PSME4: variants seen among roughly 807,000 people sequenced by gnomAD.
PSME4 encodes proteasome activator complex subunit 4.
A neutral mutation model predicts 253.9 loss-of-function variants in PSME4; 89 were observed. That is an observed-to-expected ratio of 0.35 (90% confidence interval 0.30 to 0.42). PSME4 has a LOEUF of 0.42. PSME4 is among the 10% of genes least tolerant of loss of function. The pLI is 1.00. For missense variants in PSME4, 2,014 were observed against 2,195.2 expected (o/e 0.92, Z 1.65); for synonymous variants, 851 against 759.2 (o/e 1.12, Z -1.99).
At chr2:53,908,865 T>C (rs1558672829) in intron 21 of PSME4, 25 bp from the exon 22 acceptor site, 9 of 1,536,826 alleles carry the variant, frequency 5.9e-6, no homozygotes, top group Non-Finnish European at 8.1e-6. Context: ...TAAAAGAAGG[T>C]ATTTTAGACA....
rs991328100 is a variant in PSME4 at position 53,908,201 on chromosome 2, T to G, written c.2784+119A>C. On this transcript the variant is annotated intron_variant, in intron 24 of 46. Coordinates refer to ENST00000404125, the MANE Select transcript of PSME4 (RefSeq NM_014614.3). ...GATGTTTTTAACTTTTACATACTTT[T>G]AAATCTACTATTTTTCCTTTTAGGA... 3 of 722,808 alleles carry G rather than the reference T, an allele frequency of 4.2e-6. No individual in the cohort carries two copies. In the East Asian group the frequency reaches 8.3e-5, roughly 20 times the overall value. The allele number at this position is 722,808 out of a possible 1,614,324, so 44.8% of individuals were successfully genotyped here. A position where few individuals can be genotyped will look rare whatever the true frequency, so the allele number is the denominator to read the frequency against.
chr2:53,878,146 C>T (rs932648439), intron 41 of PSME4, among the ~76,000 whole-genome samples: 6 of 152,178 alleles, frequency 3.9e-5, no homozygotes, highest in East Asian at 1.9e-4. Context: ...GGCAGAAGAA[C>T]ATAAATTGTG....
intron 43 of PSME4, chr2:53,870,582 T>G (rs1236858016): frequency 1.3e-5 from 2 of 152,054 alleles, no homozygotes; most frequent in Non-Finnish European, 2.9e-5. Flanking sequence ...TTCACCGTGT[T>G]AGCCAGGATG....
At position 53,876,716 on chromosome 2, in the gene PSME4, C is replaced by CTTTTTTTTTTTTTTTTTTTTTTTT. The variant is rs10599430; in HGVS notation, c.4816-962_4816-961insAAAAAAAAAAAAAAAAAAAAAAAA. ...TCTGATGGCTGTAGCCACTGTCATTCTTTTTTTTTTTTTTTTTTTTGAGAC... is the reference window on the plus strand; with the variant it reads ...TCTGATGGCTGTAGCCACTGTCATTCTTTTTTTTTTTTTTTTTTTTTTTTTTTTTTTTTTTTTTTTTTTTGAGAC... On this transcript the variant is annotated intron_variant, in intron 41 of 46. Transcript: ENST00000404125. Among the ~76,000 whole-genome samples the CTTTTTTTTTTTTTTTTTTTTTTTT allele has an allele frequency of 1.2e-3, 114 of 97,830 alleles. 9 individuals carry two copies. Among genetic ancestry groups the CTTTTTTTTTTTTTTTTTTTTTTTT allele is most frequent in the East Asian group, 2.1e-3 (5 of 2,392 alleles). 64.2% of individuals were successfully genotyped at this position (97,830 alleles called of 152,430 possible).
At chr2:53,941,574 T>C (rs1389318299) in intron 3 of PSME4, among the ~76,000 whole-genome samples, 2 of 152,046 alleles carry the variant, frequency 1.3e-5, no homozygotes, top group African/African-American at 4.8e-5. Context: ...TATCTGTCTA[T>C]TGATTTGTAA....
chr2:53,933,375 C>CAAAAAAAAAAAAAAAAAAAAAAAAA (rs571833072), intron 8 of PSME4, among the ~76,000 whole-genome samples: 1 of 60,616 alleles, frequency 1.6e-5, no homozygotes, highest in Non-Finnish European at 2.8e-5. Flanking sequence ...GAGACCATCT[C>CAAAAAAAAAAAAAAAAAAAAAAAAA]AAAAAAAAAA....
At chr2:53,936,372 A>G (rs1208857992) in intron 6 of PSME4, among the ~76,000 whole-genome samples, 3 of 152,184 alleles carry the variant, frequency 2.0e-5, no homozygotes, top group Admixed American at 1.3e-4. Context: ...TGCTTCTAAA[A>G]AGAAAAATGA....
At chr2:53,947,887 A>G (rs1669797874) in intron 3 of PSME4, among the ~76,000 whole-genome samples, 2 of 149,406 alleles carry the variant, frequency 1.3e-5, no homozygotes, top group South Asian at 2.1e-4. Flanking sequence ...ATGGTGGTGC[A>G]TGCCTGTAAT....
At chr2:53,965,288 G>A (rs1670665644) in intron 1 of PSME4, among the ~76,000 whole-genome samples, 2 of 147,546 alleles carry the variant, frequency 1.4e-5, no homozygotes, top group South Asian at 2.1e-4. Flanking sequence ...TCCCTCTGTC[G>A]CCTAGCCTGG....
intron 35 of PSME4, 125 bp downstream of exon 35, chr2:53,893,549 T>C: frequency 6.6e-7 from 1 of 1,524,764 alleles, no homozygotes; most frequent in East Asian, 2.4e-5. Context: ...ATGTTCAGTG[T>C]AAATTCCAGT....
intron 1 of PSME4, among the ~76,000 whole-genome samples, chr2:53,966,923 C>A (rs969522415): frequency 6.6e-6 from 1 of 152,104 alleles, no homozygotes; most frequent in Non-Finnish European, 1.5e-5. Context: ...TGGTCTCGAA[C>A]TCCTGACCTC....
intron 42 of PSME4, among the ~76,000 whole-genome samples, chr2:53,875,114 T>C (rs1043339874): frequency 6.6e-6 from 1 of 152,152 alleles, no homozygotes; most frequent in African/African-American, 2.4e-5. Flanking sequence ...TACAAAGAAA[T>C]ACAATTGTAG....
chr2:53,960,604 C>A (rs1670445641), intron 1 of PSME4, among the ~76,000 whole-genome samples: 1 of 152,202 alleles, frequency 6.6e-6, no homozygotes, highest in Admixed American at 6.5e-5. Flanking sequence ...CATGGTTCTA[C>A]AACTCTGTTA....
rs1182485680 is a variant in PSME4 at position 53,940,925 on chromosome 2, TATA to T, written c.501-928_501-926del. On this transcript the variant is annotated intron_variant, in intron 3 of 46. Coordinates refer to ENST00000404125, the MANE Select transcript of PSME4 (RefSeq NM_014614.3). ...TATATAATACATATTTAAATATATA[TATA>T]ATACATATATAAATATATATATACA... Among the ~76,000 whole-genome samples, 603 of 118,048 alleles carry T rather than the reference TATA, an allele frequency of 5.1e-3. 27 individuals carry two copies. Among genetic ancestry groups the T allele is most frequent in the Non-Finnish European group, 8.4e-3 (482 of 57,496 alleles). 77.4% of individuals were successfully genotyped at this position (118,048 alleles called of 152,430 possible).
At chr2:53,871,812 G>C (rs1158881716) in intron 43 of PSME4, among the ~76,000 whole-genome samples, 1 of 151,944 alleles carries the variant, frequency 6.6e-6, no homozygotes, top group Non-Finnish European at 1.5e-5. Flanking sequence ...TCAGGAGTTT[G>C]AGACCAGCCT....
At chr2:53,926,954 C>T (rs1668583003) in intron 12 of PSME4, among the ~76,000 whole-genome samples, 1 of 146,988 alleles carries the variant, frequency 6.8e-6, no homozygotes, top group Admixed American at 6.9e-5. Context: ...GCCTGGGTGA[C>T]ATAACAAGAC....
rs573640616 is a variant in PSME4 at position 53,911,499 on chromosome 2, C to T, written c.2517-1369G>A. On this transcript the variant is annotated intron_variant, in intron 20 of 46. Coordinates refer to ENST00000404125, the MANE Select transcript of PSME4 (RefSeq NM_014614.3). ...ATAAAATCAGATTCCTTTACATGAA[C>T]GTTATGTCTTTACTGAAATTAGATT... Among the ~76,000 whole-genome samples the T allele has an allele frequency of 3.9e-5, 6 of 152,072 alleles. No homozygotes were observed. In the East Asian group the frequency reaches 5.8e-4, roughly 15 times the overall value.
chr2:53,968,196 A>C (rs1573395208), intron 1 of PSME4, among the ~76,000 whole-genome samples: 1 of 148,424 alleles, frequency 6.7e-6, no homozygotes. Context: ...AATCGCTTGA[A>C]CCCGAAAGGC....
chr2:53,927,879 G>A (rs1180342406), intron 11 of PSME4, among the ~76,000 whole-genome samples: 1 of 152,138 alleles, frequency 6.6e-6, no homozygotes, highest in Non-Finnish European at 1.5e-5. Flanking sequence ...CCCAGGAGGT[G>A]GATCACAGTG....
Sources: gnomAD v4.1 joint callset for allele counts (sites outside exome capture counted in the v4.1 genomes callset) on GRCh38, gnomAD v4.1.1 for gene constraint, MANE v1.5 for transcripts, NCBI Gene and HGNC (gene_info 2026-07-23, HGNC 2026-07-21) for gene names.